ERBB4: variants seen among roughly 807,000 people sequenced by gnomAD.
ERBB4 encodes erb-b2 receptor tyrosine kinase 4.
Under a neutral mutation model 158.0 loss-of-function variants are expected in ERBB4, and 42 were observed. The ratio of observed to expected loss-of-function variants is 0.27; its 90% CI spans 0.21 to 0.34. The LOEUF (loss-of-function observed/expected upper bound fraction) is 0.34, where lower values mean the gene tolerates loss of function less well. Ranked by LOEUF, ERBB4 falls within the 10% of genes least tolerant of loss-of-function variation. ERBB4 has a pLI of 1.00. For synonymous variants in ERBB4, 583 were observed against 558.7 expected (o/e 1.04, Z -0.61); for missense variants, 1,333 against 1,624.1 (o/e 0.82, Z 3.08).
At chr2:211,424,752 A>G (rs1574465257) in intron 22 of ERBB4, among the ~76,000 whole-genome samples, 2 of 152,262 alleles carry the variant, frequency 1.3e-5, no homozygotes, top group East Asian at 3.9e-4. Context: ...AAAGGCTTCC[A>G]GAATAATTAC....
chr2:212,381,050 G>GA (rs925765540), intron 1 of ERBB4, among the ~76,000 whole-genome samples: 1 of 151,030 alleles, frequency 6.6e-6, no homozygotes, highest in Non-Finnish European at 1.5e-5. Context: ...TATCTTCACC[G>GA]AAAAAAGTCA....
At chr2:211,954,660 G>T (rs146652626) in intron 2 of ERBB4, among the ~76,000 whole-genome samples, 1 of 152,002 alleles carries the variant, frequency 6.6e-6, no homozygotes, top group Admixed American at 6.6e-5. Context: ...TGGTAAGAGG[G>T]GGGGTAATAG....
In ERBB4 at chr2:211,381,334, T is replaced by C. The variant is rs1042190646; in HGVS notation, c.*2281A>G. On this transcript the variant is annotated 3_prime_UTR_variant, in exon 28 of 28. Coordinates refer to ENST00000342788, the MANE Select transcript of ERBB4 (RefSeq NM_005235.3). ...GAAGTTAGACTCTAGATAGGCTAAT[T>C]AGTCAGTGATGCAATATTCTCCTAG... 11 of 232,204 alleles carry C rather than the reference T, an allele frequency of 4.7e-5. No individual in the cohort carries two copies. The highest frequency in any genetic ancestry group is 1.8e-4 in the African/African-American group (8 of 45,302). The allele number at this position is 232,204 out of a possible 1,614,324, so 14.4% of individuals were successfully genotyped here.
At chr2:211,873,932 G>T (rs1278549996) in intron 3 of ERBB4, among the ~76,000 whole-genome samples, 1 of 151,802 alleles carries the variant, frequency 6.6e-6, no homozygotes, top group Non-Finnish European at 1.5e-5. Context: ...TATATAAAAA[G>T]GCTTCAAAAT....
chr2:211,411,498 GGA>G, intron 25 of ERBB4, among the ~76,000 whole-genome samples: 1 of 152,302 alleles, frequency 6.6e-6, no homozygotes, highest in East Asian at 1.9e-4. Flanking sequence ...TAATACATAA[GGA>G]GAGGAGCTCT....
intron 1 of ERBB4, among the ~76,000 whole-genome samples, chr2:212,199,726 T>C (rs1170850689): frequency 6.6e-6 from 1 of 152,150 alleles, no homozygotes; most frequent in Non-Finnish European, 1.5e-5. Flanking sequence ...ACCAGAATCA[T>C]TAAATTTTTA....
intron 2 of ERBB4, among the ~76,000 whole-genome samples, chr2:212,009,552 T>C (rs2076336104): frequency 6.6e-6 from 1 of 152,130 alleles, no homozygotes; most frequent in Non-Finnish European, 1.5e-5. Flanking sequence ...TTGTTGTATG[T>C]TGTTACAGTG....
intron 1 of ERBB4, among the ~76,000 whole-genome samples, chr2:212,429,821 T>A (rs2105935196): frequency 6.6e-6 from 1 of 152,302 alleles, no homozygotes; most frequent in East Asian, 1.9e-4. Flanking sequence ...AATATGCTGA[T>A]AAGATTCCCA....
chr2:212,023,744 C>T (rs1445575384), intron 2 of ERBB4, among the ~76,000 whole-genome samples: 1 of 151,484 alleles, frequency 6.6e-6, no homozygotes, highest in African/African-American at 2.4e-5. Context: ...AATTTTATTG[C>T]TCTGATGAGT....
At chr2:212,279,671 T>C (rs1248723745) in intron 1 of ERBB4, among the ~76,000 whole-genome samples, 2 of 151,664 alleles carry the variant, frequency 1.3e-5, no homozygotes, top group Non-Finnish European at 3.0e-5. Flanking sequence ...TGTGGTATCA[T>C]CCTTCTTCAA....
intron 22 of ERBB4, among the ~76,000 whole-genome samples, chr2:211,426,831 A>G (rs1036234688): frequency 1.3e-5 from 2 of 151,370 alleles, no homozygotes; most frequent in African/African-American, 4.8e-5. Context: ...TAAATCTGAC[A>G]TAATATATAT....
intron 3 of ERBB4, among the ~76,000 whole-genome samples, chr2:211,841,285 G>A (rs1364540549): frequency 6.6e-6 from 1 of 152,022 alleles, no homozygotes; most frequent in East Asian, 1.9e-4. Flanking sequence ...TAATTGTGGT[G>A]ACTATTGGGC....
intron 5 of ERBB4, among the ~76,000 whole-genome samples, chr2:211,738,361 G>GTTTTGTTTTTTTTTTTTTTTTTTTTTTT (rs1559473744): frequency 7.4e-6 from 1 of 135,340 alleles, no homozygotes; most frequent in African/African-American, 2.6e-5. Context: ...CTTTGTTTTT[G>GTTTTGTTTTTTTTTTTTTTTTTTTTTTT]TTTTTTTTTT....
chr2:211,569,107 A>C (rs1264210909), intron 19 of ERBB4, among the ~76,000 whole-genome samples: 1 of 152,148 alleles, frequency 6.6e-6, no homozygotes, highest in Non-Finnish European at 1.5e-5. Context: ...TCCAACAATC[A>C]GATCAGGACT....
Position 212,304,475 on chromosome 2 carries a change from T to C in ERBB4, c.83-179572A>G, listed in dbSNP as rs930237741. ...TGGTACTGGCTTGATAAAGAACACATATTTTTTTTATTTGTAGCATATCCA... is the reference window on the plus strand; with the variant it reads ...TGGTACTGGCTTGATAAAGAACACACATTTTTTTTATTTGTAGCATATCCA... On this transcript the variant is annotated intron_variant, in intron 1 of 27. Transcript: ENST00000342788. Among the ~76,000 whole-genome samples, 7 of 94,158 alleles carry C rather than the reference T, an allele frequency of 7.4e-5. No homozygotes were observed. In the Admixed American group the frequency reaches 8.3e-4, roughly 11 times the overall value. The allele number at this position is 94,158 out of a possible 152,430, so 61.8% of individuals were successfully genotyped here. A position where few individuals can be genotyped will look rare whatever the true frequency, so the allele number is the denominator to read the frequency against.
intron 3 of ERBB4, among the ~76,000 whole-genome samples, chr2:211,945,904 AT>A (rs1353839814): frequency 6.6e-6 from 1 of 152,044 alleles, no homozygotes; most frequent in Non-Finnish European, 1.5e-5. Context: ...TTTCTTTACT[AT>A]AATCAGAGGG....
intron 12 of ERBB4, among the ~76,000 whole-genome samples, chr2:211,683,869 T>C (rs943055448): frequency 6.6e-6 from 1 of 152,092 alleles, no homozygotes; most frequent in South Asian, 2.1e-4. Flanking sequence ...TCATTACTCT[T>C]TTTATTTTAG....
At chr2:212,433,391 A>G (rs1424835322) in intron 1 of ERBB4, among the ~76,000 whole-genome samples, 7 of 152,040 alleles carry the variant, frequency 4.6e-5, no homozygotes, top group Non-Finnish European at 1.0e-4. Flanking sequence ...TATTCCTTTA[A>G]TAAATTCAGA....
rs200112693 is a variant in ERBB4 at position 211,673,218 on chromosome 2, C to G, written c.1662G>C (p.Glu554Asp). 14 of 1,613,758 alleles carry G rather than the reference C, an allele frequency of 8.7e-6. No individual in the cohort carries two copies. The highest frequency in any genetic ancestry group is 3.3e-5 in the Admixed American group (2 of 59,962). ...CCATCTTCTCACACTGGGGGTCACA[C>G]TCCACACAGATGGAGCCATTCTCAA... is the stretch of plus-strand genomic sequence containing the variant. ...REFENGSICV[E>D]CDPQCEKMED... The change falls in exon 14 of 28, where the codon GAG becomes GAC. Residue 554 changes from glutamate to aspartate, a missense_variant. This residue lies in a region of ERBB4 where 245 missense variants were observed against 247.5 expected (regional missense o/e 0.99). Coordinates refer to ENST00000342788, the MANE Select transcript of ERBB4 (RefSeq NM_005235.3).
Sources: gnomAD v4.1 joint callset for allele counts (sites outside exome capture counted in the v4.1 genomes callset) on GRCh38, gnomAD v4.1.1 for gene constraint, gnomAD v4.1.1 regional missense constraint, MANE v1.5 for transcripts, NCBI Gene and HGNC (gene_info 2026-07-23, HGNC 2026-07-21) for gene names.